The following CMKLR1 variants were observed in gnomAD, a reference collection of about 807,000 sequenced individuals.
CMKLR1 encodes chemerin chemokine-like receptor 1.
CMKLR1 carries 6 observed loss-of-function variants against 8.2 expected under a neutral mutation model. That is an observed-to-expected ratio of 0.73 (90% CI 0.40 to 1.44). The LOEUF (loss-of-function observed/expected upper bound fraction) is 1.44, where lower values mean the gene tolerates loss of function less well. Among genes scored for constraint, CMKLR1 ranks in the 40% most tolerant of loss-of-function variants. The probability of loss-of-function intolerance (pLI) is 0.02; values close to 1 mark genes in which losing one functional copy is unlikely to be tolerated. For synonymous variants in CMKLR1, 178 were observed against 181.2 expected, an observed-to-expected ratio of 0.98 and a Z score of 0.14; for missense variants, 429 against 478.0, an observed-to-expected ratio of 0.90 and a Z score of 0.96.
chr12:108,303,185 G>A lies in CMKLR1; in HGVS notation c.-73-9521C>T, dbSNP rs74855654. On this transcript the variant is annotated intron_variant, in intron 2 of 3. Coordinates refer to ENST00000550402, the MANE Select transcript of CMKLR1 (RefSeq NM_001142343.2). ...TGGACCGGCCAAAGGAAGTAACAAC[G>A]TCAGCCCAGCCAGGAGAGGCTGTGC... 1.1e-3 allele frequency among the ~76,000 whole-genome samples: 169 copies of A among 152,324 alleles called. 2 individuals carry two copies. In the East Asian group the frequency reaches 0.026, roughly 23 times the overall value.
intron 2 of CMKLR1, among the ~76,000 whole-genome samples, chr12:108,326,910 T>C (rs1450579189): frequency 6.6e-6 from 1 of 152,166 alleles, no homozygotes; most frequent in Non-Finnish European, 1.5e-5. Flanking sequence ...CTATGTGCTT[T>C]TTCATGGATT....
intron 1 of CMKLR1, among the ~76,000 whole-genome samples, chr12:108,334,874 A>G (rs1892185374): frequency 6.6e-6 from 1 of 152,166 alleles, no homozygotes; most frequent in Admixed American, 6.5e-5. Flanking sequence ...ATGGATATAA[A>G]TACCTTTGGC....
At chr12:108,300,466 GATGAATGA>G (rs5800818) in intron 2 of CMKLR1, among the ~76,000 whole-genome samples, 27 of 151,478 alleles carry the variant, frequency 1.8e-4, no homozygotes, top group South Asian at 8.4e-4. Flanking sequence ...AATATTGTTT[GATGAATGA>G]ATGAATGAAT....
Position 108,291,772 on chromosome 12 carries a change from A to C in CMKLR1, c.*69T>G, listed in dbSNP as rs145106333. ...GGATGCTAAAGAGGTTCTTGCCTTG[A>C]TCTTCAGAAGACATATCCTTGGGTG... On this transcript the variant is annotated 3_prime_UTR_variant, in exon 4 of 4. Transcript: ENST00000550402. 112 of 1,478,492 alleles carry C rather than the reference A, an allele frequency of 7.6e-5. No homozygotes were observed. The African/African-American group carries it at 1.5e-3, about 19-fold the overall frequency. The allele number at this position is 1,478,492 out of a possible 1,614,324, so 91.6% of individuals were successfully genotyped here.
intron 3 of CMKLR1, 127 bp from the exon 4 acceptor site, chr12:108,293,086 C>T (rs982182313): frequency 5.9e-6 from 5 of 848,056 alleles, no homozygotes; most frequent in African/African-American, 3.4e-5. Flanking sequence ...TTAACCATTT[C>T]CTTCTTTGCT....
chr12:108,303,291 T>C (rs1218381025), intron 2 of CMKLR1, among the ~76,000 whole-genome samples: 4 of 152,192 alleles, frequency 2.6e-5, no homozygotes, highest in Non-Finnish European at 5.9e-5. Context: ...GACAGTTGTG[T>C]CCTGCCCACA....
chr12:108,306,235 CAGCCACA>C (rs1247260948), intron 2 of CMKLR1, among the ~76,000 whole-genome samples: 1 of 152,212 alleles, frequency 6.6e-6, no homozygotes. Context: ...GGGTTGGCCA[CAGCCACA>C]CTCCTTGGGT....
intron 2 of CMKLR1, among the ~76,000 whole-genome samples, chr12:108,317,309 G>A (rs952434813): frequency 6.6e-6 from 1 of 152,162 alleles, no homozygotes; most frequent in African/African-American, 2.4e-5. Context: ...GTGTCAAGGA[G>A]AGCCCACAAG....
At chr12:108,338,781 C>T (rs1892289230) in intron 1 of CMKLR1, among the ~76,000 whole-genome samples, 1 of 152,158 alleles carries the variant, frequency 6.6e-6, no homozygotes, top group African/African-American at 2.4e-5. Flanking sequence ...AAAAAGTTCA[C>T]AATCTGTGGT....
chr12:108,301,899 G>T (rs916401727), intron 2 of CMKLR1, among the ~76,000 whole-genome samples: 5 of 151,916 alleles, frequency 3.3e-5, no homozygotes, highest in Non-Finnish European at 7.4e-5. Flanking sequence ...CATTATAATG[G>T]GCTACACACA....
intron 2 of CMKLR1, among the ~76,000 whole-genome samples, chr12:108,324,183 C>CA (rs1273785543): frequency 1.3e-5 from 2 of 152,172 alleles, no homozygotes; most frequent in Non-Finnish European, 2.9e-5. Flanking sequence ...TGCATGTGAT[C>CA]ACGCTTGTTG....
intron 2 of CMKLR1, among the ~76,000 whole-genome samples, chr12:108,324,724 G>C (rs537931252): frequency 2.0e-5 from 3 of 152,312 alleles, no homozygotes; most frequent in African/African-American, 7.2e-5. Flanking sequence ...GTGAGGGTTT[G>C]GTTTTCCCTA....
Position 108,290,716 on chromosome 12 carries a change from G to T in CMKLR1, c.*1125C>A, listed in dbSNP as rs574727984. The T allele has an allele frequency of 2.0e-5, 3 of 152,350 alleles. No individual in the cohort carries two copies. Among genetic ancestry groups the T allele is most frequent in the East Asian group, 3.9e-4 (2 of 5,184 alleles). The allele number at this position is 152,350 out of a possible 1,614,324, so 9.4% of individuals were successfully genotyped here. ...CATGCCAGGCACCTGTATCCAGGAGGTATTTGGTGTCTGCAGCTCAGAAAC... is the reference window on the plus strand; with the variant it reads ...CATGCCAGGCACCTGTATCCAGGAGTTATTTGGTGTCTGCAGCTCAGAAAC... On this transcript the variant is annotated 3_prime_UTR_variant, in exon 4 of 4. Transcript: ENST00000550402.
At chr12:108,332,611 A>G (rs974002901) in intron 1 of CMKLR1, among the ~76,000 whole-genome samples, 1 of 152,060 alleles carries the variant, frequency 6.6e-6, no homozygotes, top group African/African-American at 2.4e-5. Context: ...ACATCTTTCT[A>G]CCATGCTGGA....
chr12:108,298,473 C>T (rs1891189563), intron 2 of CMKLR1, among the ~76,000 whole-genome samples: 1 of 152,198 alleles, frequency 6.6e-6, no homozygotes. Flanking sequence ...ACACTGCTTA[C>T]TGGAAAGGAG....
rs7310684 is a variant in CMKLR1, at chr12:108,291,280, C to A, written c.*561G>T. 17,707 of 153,094 alleles carry A rather than the reference C, an allele frequency of 0.12. 1,313 individuals are homozygous for A. The highest frequency in any genetic ancestry group is 0.21 in the African/African-American group (8,708 of 41,538). 9.5% of individuals were successfully genotyped at this position (153,094 alleles called of 1,614,324 possible). On this transcript the variant is annotated 3_prime_UTR_variant, in exon 4 of 4. Transcript: ENST00000550402. ...TCCTAGCTGATCCGAAAGCCAAATTCATGGCCTATGGAGTTCATGGGCTGA... is the reference window on the plus strand; with the variant it reads ...TCCTAGCTGATCCGAAAGCCAAATTAATGGCCTATGGAGTTCATGGGCTGA...
In CMKLR1 at chr12:108,291,655, C is replaced by T. The variant is rs1156406194; in HGVS notation, c.*186G>A. 9.2e-6 allele frequency: 6 copies of T among 649,468 alleles called. No individual in the cohort carries two copies. Among genetic ancestry groups the T allele is most frequent in the African/African-American group, 9.0e-5 (5 of 55,508 alleles). 40.2% of individuals were successfully genotyped at this position (649,468 alleles called of 1,614,324 possible). On this transcript the variant is annotated 3_prime_UTR_variant, in exon 4 of 4. Coordinates refer to ENST00000550402, the MANE Select transcript of CMKLR1 (RefSeq NM_001142343.2). ...TAGTCCAAGGCTGTATGGAACACAG[C>T]ATGTTCTGTCCACTAGAAGAAAGGG... is the stretch of plus-strand genomic sequence containing the variant.
intron 2 of CMKLR1, among the ~76,000 whole-genome samples, chr12:108,296,521 G>A (rs1309270584): frequency 6.6e-6 from 1 of 152,104 alleles, no homozygotes; most frequent in Non-Finnish European, 1.5e-5. Context: ...TGGGATCAAG[G>A]GCAGGTCAGA....
intron 2 of CMKLR1, among the ~76,000 whole-genome samples, chr12:108,327,426 G>GC (rs1351416929): frequency 2.0e-5 from 3 of 152,152 alleles, no homozygotes; most frequent in African/African-American, 2.4e-5. Context: ...GCTACAGTGA[G>GC]CCATGATTGC....
Sources: allele counts gnomAD v4.1 joint callset (sites outside exome capture counted in the v4.1 genomes callset), GRCh38; gene constraint gnomAD v4.1.1; transcripts MANE v1.5; gene names NCBI Gene and HGNC (gene_info 2026-07-23, HGNC 2026-07-21).